ABI2: variants seen among roughly 807,000 people sequenced by gnomAD.
ABI2 encodes abl interactor 2.
In ABI2, 25 loss-of-function variants were observed where a neutral mutation model predicts 59.2. The observed-to-expected ratio is 0.42, with a 90% CI of 0.31 to 0.59. The LOEUF is 0.59. Ranked by LOEUF, ABI2 falls within the 20% of genes least tolerant of loss-of-function variation. The probability of loss-of-function intolerance (pLI) is 0.14; values close to 1 mark genes in which losing one functional copy is unlikely to be tolerated. For synonymous variants in ABI2, 213 were observed against 235.5 expected (o/e 0.90, Z 0.87); for missense variants, 545 against 681.8 (o/e 0.80, Z 2.23).
At chr2:203,382,143 TG>T in intron 3 of ABI2, 45 bp from the exon 4 acceptor site, 3 of 1,497,176 alleles carry the variant, frequency 2.0e-6, no homozygotes, top group South Asian at 2.6e-5. Context: ...AACCTTTCAA[TG>T]CTTTTTTTCC....
intron 1 of ABI2, among the ~76,000 whole-genome samples, chr2:203,349,141 C>T (rs951869707): frequency 6.6e-6 from 1 of 151,442 alleles, no homozygotes; most frequent in African/African-American, 2.4e-5. Context: ...GGGCTTTTGC[C>T]TTGTTGCGCA....
chr2:203,345,533 C>T (rs961324346), intron 1 of ABI2, among the ~76,000 whole-genome samples: 19 of 152,126 alleles, frequency 1.2e-4, no homozygotes, highest in African/African-American at 4.1e-4. Context: ...GCCTCAGCCT[C>T]CTGAGTAGCT....
At chr2:203,414,329 T>C (rs2097798475) in intron 10 of ABI2, among the ~76,000 whole-genome samples, 1 of 152,154 alleles carries the variant, frequency 6.6e-6, no homozygotes, top group South Asian at 2.1e-4. Context: ...CTTGAACTCC[T>C]GAGCTCAAAT....
chr2:203,374,498 CA>C (rs777951265), intron 2 of ABI2, among the ~76,000 whole-genome samples: 283 of 53,854 alleles, frequency 5.3e-3, no homozygotes, highest in East Asian at 0.011. Flanking sequence ...GACTCTGTCT[CA>C]AAAAAAAAAA....
At chr2:203,389,061 T>G (rs920417882) in intron 4 of ABI2, among the ~76,000 whole-genome samples, 6 of 152,190 alleles carry the variant, frequency 3.9e-5, no homozygotes, top group African/African-American at 1.4e-4. Context: ...ATCTTCTGGT[T>G]TCAGAAATTA....
At chr2:203,382,747 C>T (rs536769415) in intron 4 of ABI2, among the ~76,000 whole-genome samples, 38 of 151,114 alleles carry the variant, frequency 2.5e-4, no homozygotes, top group African/African-American at 8.7e-4. Flanking sequence ...TTCAGTGACA[C>T]GGGTTTTTTT....
intron 4 of ABI2, among the ~76,000 whole-genome samples, chr2:203,389,737 G>A (rs554963692): frequency 1.8e-4 from 28 of 152,316 alleles, no homozygotes; most frequent in Non-Finnish European, 3.2e-4. Context: ...ATATGAACCT[G>A]TGTGGTGAAC....
intron 11 of ABI2, among the ~76,000 whole-genome samples, chr2:203,417,446 TTTAAATGTCTCCACA>T (rs1393470011): frequency 1.3e-5 from 2 of 152,236 alleles, no homozygotes; most frequent in African/African-American, 4.8e-5. Flanking sequence ...GATACTTCAG[TTTAAATGTCTCCACA>T]TGAAACTTTC....
At chr2:203,402,933 TAA>T (rs1458592670) in intron 9 of ABI2, among the ~76,000 whole-genome samples, 199 bp downstream of exon 9, 2 of 152,258 alleles carry the variant, frequency 1.3e-5, no homozygotes, top group Admixed American at 1.3e-4. Context: ...GATTTCCACG[TAA>T]AGTCATACAA....
intron 9 of ABI2, among the ~76,000 whole-genome samples, chr2:203,404,248 A>G (rs1021736756): frequency 1.5e-4 from 23 of 152,172 alleles, no homozygotes; most frequent in African/African-American, 5.5e-4. Context: ...TTGAATGCCA[A>G]ATGAATCCCT....
At chr2:203,365,150 A>G (rs2094224630) in intron 1 of ABI2, among the ~76,000 whole-genome samples, 1 of 152,214 alleles carries the variant, frequency 6.6e-6, no homozygotes, top group East Asian at 1.9e-4. Flanking sequence ...CAACATTCAG[A>G]GAAAACTTAG....
intron 1 of ABI2, among the ~76,000 whole-genome samples, chr2:203,341,946 T>C (rs2080180284): frequency 6.6e-6 from 1 of 152,222 alleles, no homozygotes; most frequent in Non-Finnish European, 1.5e-5. Context: ...TCTGAACTGA[T>C]CTACAGCTTC....
chr2:203,419,529 T>A (rs1382153922), intron 11 of ABI2, among the ~76,000 whole-genome samples: 2 of 151,516 alleles, frequency 1.3e-5, no homozygotes, highest in African/African-American at 4.8e-5. Context: ...CCACCATGCC[T>A]GGGTAATTTT....
intron 2 of ABI2, among the ~76,000 whole-genome samples, chr2:203,375,062 A>G (rs1346688115): frequency 2.0e-5 from 3 of 152,234 alleles, no homozygotes; most frequent in Non-Finnish European, 4.4e-5. Context: ...CAAGGCCATA[A>G]GAGGTATCCT....
At chr2:203,416,356 C>T (rs190297664) in intron 10 of ABI2, among the ~76,000 whole-genome samples, 14 of 151,882 alleles carry the variant, frequency 9.2e-5, no homozygotes, top group Non-Finnish European at 1.8e-4. Flanking sequence ...GCTGGAGTGG[C>T]GTGATCTCGA....
intron 6 of ABI2, chr2:203,395,130 T>G (rs1406085814): frequency 1.4e-6 from 1 of 702,820 alleles, no homozygotes; most frequent in African/African-American, 1.7e-5. Context: ...AAATGTCAGG[T>G]TGTTTTTTGG....
At position 203,428,624 on chromosome 2, in the gene ABI2, C is replaced by T. The variant is rs1307152646; in HGVS notation, c.*1272C>T. The stretch of plus-strand genomic sequence containing the variant: ...ACTGACACAATAAAACACATTTCCC[C>T]CATCTGTACAATAAATACAGCTTCA... On this transcript the variant is annotated 3_prime_UTR_variant, in exon 12 of 12. Coordinates refer to ENST00000261018, the MANE Select transcript of ABI2 (RefSeq NM_001375670.1). The T allele has an allele frequency of 6.6e-6, 1 of 152,326 alleles. No individual in the cohort carries two copies. The highest frequency in any genetic ancestry group is 1.9e-4 in the East Asian group (1 of 5,200). The allele number at this position is 152,326 out of a possible 1,614,324, so 9.4% of individuals were successfully genotyped here. A position where few individuals can be genotyped will look rare whatever the true frequency, so the allele number is the denominator to read the frequency against.
chr2:203,431,571 C>G lies in ABI2; in HGVS notation c.*4219C>G, dbSNP rs1267377064. Reference sequence around the variant, plus strand: ...TATATTACTCCAACACTGGCAGGAGCACAGCACAGCAGCCTTATTGGAGAG... The same window carrying G: ...TATATTACTCCAACACTGGCAGGAGGACAGCACAGCAGCCTTATTGGAGAG... On this transcript the variant is annotated 3_prime_UTR_variant, in exon 12 of 12. Coordinates refer to ENST00000261018, the MANE Select transcript of ABI2 (RefSeq NM_001375670.1). The G allele has an allele frequency of 4.6e-5, 7 of 152,174 alleles. No individual in the cohort carries two copies. Among genetic ancestry groups the G allele is most frequent in the Admixed American group, 4.6e-4 (7 of 15,256 alleles). 9.4% of individuals were successfully genotyped at this position (152,174 alleles called of 1,614,324 possible). A position where few individuals can be genotyped will look rare whatever the true frequency, so the allele number is the denominator to read the frequency against.
chr2:203,380,180 GTGT>G (rs2096021980), intron 2 of ABI2, 25 bp from the exon 3 acceptor site: 4 of 1,416,744 alleles, frequency 2.8e-6, no homozygotes, highest in African/African-American at 1.5e-5. Context: ...ATACATTTTT[GTGT>G]TGTTTTTTAC....
Sources: allele counts gnomAD v4.1 joint callset (sites outside exome capture counted in the v4.1 genomes callset), GRCh38; gene constraint gnomAD v4.1.1; transcripts MANE v1.5; gene names NCBI Gene and HGNC (gene_info 2026-07-23, HGNC 2026-07-21).